The following ANKRD22 variants were observed in gnomAD, a reference collection of about 807,000 sequenced individuals.
The protein encoded by ANKRD22 is ankyrin repeat domain 22, also known as ankyrin repeat domain-containing protein 22.
Under a neutral mutation model 25.7 loss-of-function variants are expected in ANKRD22, and 24 were observed. The ratio of observed to expected loss-of-function variants is 0.93; its 90% CI spans 0.68 to 1.31. The LOEUF (loss-of-function observed/expected upper bound fraction) is 1.31, where lower values mean the gene tolerates loss of function less well. ANKRD22 is among the 50% of genes most tolerant of loss of function. The pLI is 0.00. For synonymous variants in ANKRD22, 84 were observed against 84.3 expected (o/e 1.00, Z 0.02); for missense variants, 214 against 227.1 (o/e 0.94, Z 0.37).
intron 1 of ANKRD22, among the ~76,000 whole-genome samples, chr10:88,850,264 T>G (rs531988960): frequency 4.8e-4 from 73 of 152,182 alleles, no homozygotes; most frequent in African/African-American, 1.7e-3. Context: ...AGGATGAGAC[T>G]AGGCTTTTTT....
intron 1 of ANKRD22, among the ~76,000 whole-genome samples, chr10:88,846,802 T>G (rs1350421100): frequency 1.3e-5 from 2 of 152,130 alleles, no homozygotes; most frequent in African/African-American, 4.8e-5. Context: ...GTCAGTGTCT[T>G]TCTGAAGCAA....
chr10:88,832,089 A>G lies in ANKRD22; in HGVS notation c.22-63T>C, dbSNP rs975650399. 3.8e-5 allele frequency: 55 copies of G among 1,460,236 alleles called. 1 individual carries two copies. Among genetic ancestry groups the G allele is most frequent in the Non-Finnish European group, 6.5e-6 (7 of 1,082,626 alleles). 90.5% of individuals were successfully genotyped at this position (1,460,236 alleles called of 1,614,324 possible). A position where few individuals can be genotyped will look rare whatever the true frequency, so the allele number is the denominator to read the frequency against. On this transcript the variant is annotated intron_variant, in intron 1 of 5. Coordinates refer to ENST00000371930, the MANE Select transcript of ANKRD22 (RefSeq NM_144590.3). ...GGCATAATTAAACCACAAAAACGAA[A>G]AAAAAGTCATAACCCAATACATTAA...
At chr10:88,835,555 T>C (rs1310495706) in intron 1 of ANKRD22, among the ~76,000 whole-genome samples, 1 of 152,210 alleles carries the variant, frequency 6.6e-6, no homozygotes, top group South Asian at 2.1e-4. Flanking sequence ...CTATAGGCAG[T>C]TGTAACACAA....
At chr10:88,832,652 T>A (rs1843918099) in intron 1 of ANKRD22, among the ~76,000 whole-genome samples, 1 of 152,116 alleles carries the variant, frequency 6.6e-6, no homozygotes, top group South Asian at 2.1e-4. Flanking sequence ...TTCAAGGAGC[T>A]CAACAGAGCA....
At chr10:88,849,534 C>T (rs1844084340) in intron 1 of ANKRD22, among the ~76,000 whole-genome samples, 1 of 152,096 alleles carries the variant, frequency 6.6e-6, no homozygotes, top group Admixed American at 6.6e-5. Context: ...AGCCAATAAG[C>T]ACTTTTCAAC....
chr10:88,820,233 C>A lies in ANKRD22; in HGVS notation c.*2708G>T, dbSNP rs1458574194. Reference sequence around the variant, plus strand: ...TTAAGAACTATTCCTTTTCTCTAGCCAACTCCTGTAAGGTACAGAGTCAGA... The same window carrying A: ...TTAAGAACTATTCCTTTTCTCTAGCAAACTCCTGTAAGGTACAGAGTCAGA... On this transcript the variant is annotated 3_prime_UTR_variant, in exon 6 of 6. Transcript: ENST00000371930. 1 of 1,548,112 alleles carries A rather than the reference C, an allele frequency of 6.5e-7. No individual in the cohort carries two copies. The highest frequency in any genetic ancestry group is 1.7e-4 in the Middle Eastern group (1 of 5,964).
intron 4 of ANKRD22, among the ~76,000 whole-genome samples, chr10:88,824,426 T>C (rs1843834163): frequency 6.6e-6 from 1 of 152,220 alleles, no homozygotes. Context: ...GTTGCAATTA[T>C]TTATTTTTAT....
rs1010952481 is a variant in ANKRD22, at chr10:88,820,784, C to A, written c.*2157G>T. ...TTCTCTATATCATTCAGGTAAATCT[C>A]TTTAAAACACCTATTGTTTTTTCTA... On this transcript the variant is annotated 3_prime_UTR_variant, in exon 6 of 6. Coordinates refer to ENST00000371930, the MANE Select transcript of ANKRD22 (RefSeq NM_144590.3). Among the ~76,000 whole-genome samples, 9 of 152,100 alleles carry A rather than the reference C, an allele frequency of 5.9e-5. No individual in the cohort carries two copies. The highest frequency in any genetic ancestry group is 1.2e-4 in the Non-Finnish European group (8 of 67,998).
rs757917704 is a variant in ANKRD22, at chr10:88,820,184, T to G, written c.*2757A>C. ...CTATTTGAAACATAAATTATGAGCC[T>G]GAAAGTCCAAATGTTACCTAGAGTT... On this transcript the variant is annotated 3_prime_UTR_variant, in exon 6 of 6. Transcript: ENST00000371930. 6.9e-6 allele frequency: 10 copies of G among 1,450,986 alleles called. No homozygotes were observed. The highest frequency in any genetic ancestry group is 9.2e-6 in the Non-Finnish European group (10 of 1,082,634). 89.9% of individuals were successfully genotyped at this position (1,450,986 alleles called of 1,614,324 possible). A position where few individuals can be genotyped will look rare whatever the true frequency, so the allele number is the denominator to read the frequency against.
intron 1 of ANKRD22, among the ~76,000 whole-genome samples, chr10:88,844,984 C>T (rs1844034855): frequency 6.6e-6 from 1 of 152,090 alleles, no homozygotes; most frequent in East Asian, 1.9e-4. Context: ...GGCTTCTTAA[C>T]AATTATACAT....
intron 1 of ANKRD22, among the ~76,000 whole-genome samples, chr10:88,846,564 C>T (rs74147298): frequency 2.6e-5 from 4 of 152,178 alleles, no homozygotes; most frequent in African/African-American, 4.8e-5. Flanking sequence ...GCCATTGCTA[C>T]AAAATGTTGT....
At position 88,820,321 on chromosome 10, in the gene ANKRD22, C is replaced by A. The variant is rs561105193; in HGVS notation, c.*2620G>T. 5.2e-6 allele frequency: 8 copies of A among 1,552,132 alleles called. No homozygotes were observed. The highest frequency in any genetic ancestry group is 5.2e-6 in the Non-Finnish European group (6 of 1,147,052). On this transcript the variant is annotated 3_prime_UTR_variant, in exon 6 of 6. Coordinates refer to ENST00000371930, the MANE Select transcript of ANKRD22 (RefSeq NM_144590.3). Reference sequence around the variant, plus strand: ...AGGACTGGCTTTCAAATCCAGAAGACGTGAAAATGCTGCTCTCTGAGGTGA... The same window carrying A: ...AGGACTGGCTTTCAAATCCAGAAGAAGTGAAAATGCTGCTCTCTGAGGTGA...
At chr10:88,836,182 C>T (rs540880299) in intron 1 of ANKRD22, among the ~76,000 whole-genome samples, 14 of 152,256 alleles carry the variant, frequency 9.2e-5, no homozygotes, top group Admixed American at 2.6e-4. Flanking sequence ...CTTATCCACA[C>T]CCTTGATCTA....
In ANKRD22 at chr10:88,832,032, T is replaced by C. The variant is rs565840632; in HGVS notation, c.22-6A>G. ...TAGGCTGCTTGGCAGATGGGCTGGG[T>C]CGGGAAAAACAAAAGCAGGTTTTGA... is the stretch of plus-strand genomic sequence containing the variant. On this transcript the variant is annotated splice_polypyrimidine_tract_variant and splice_region_variant and intron_variant, in intron 1 of 5. Transcript: ENST00000371930. 3 of 1,585,994 alleles carry C rather than the reference T, an allele frequency of 1.9e-6. No homozygotes were observed. The highest frequency in any genetic ancestry group is 2.2e-5 in the East Asian group (1 of 44,506).
chr10:88,829,158 G>A (rs1843883031), intron 2 of ANKRD22, among the ~76,000 whole-genome samples: 1 of 152,146 alleles, frequency 6.6e-6, no homozygotes, highest in Admixed American at 6.6e-5. Flanking sequence ...CTTCAAATAT[G>A]TGAATACTTA....
chr10:88,845,803 C>A (rs1296851989), intron 1 of ANKRD22, among the ~76,000 whole-genome samples: 2 of 152,116 alleles, frequency 1.3e-5, no homozygotes, highest in Non-Finnish European at 2.9e-5. Flanking sequence ...TCCCATGCTA[C>A]CAGAGTGGCC....
intron 4 of ANKRD22, among the ~76,000 whole-genome samples, chr10:88,824,603 C>T (rs977625719): frequency 6.6e-6 from 1 of 152,088 alleles, no homozygotes; most frequent in Admixed American, 6.5e-5. Flanking sequence ...GTGTGTGTAC[C>T]TGCATGTGTC....
chr10:88,843,039 A>G (rs1446619637), intron 1 of ANKRD22, among the ~76,000 whole-genome samples: 1 of 152,094 alleles, frequency 6.6e-6, no homozygotes, highest in East Asian at 1.9e-4. Context: ...TTTATGTCCC[A>G]GAAATTACCA....
chr10:88,820,282 G>A lies in ANKRD22; in HGVS notation c.*2659C>T, dbSNP rs1843772179. ...GAGATATGACGGTCCCTACAGCAAT[G>A]TGGACAGGAGGTCAGGACTGGCTTT... On this transcript the variant is annotated 3_prime_UTR_variant, in exon 6 of 6. Coordinates refer to ENST00000371930, the MANE Select transcript of ANKRD22 (RefSeq NM_144590.3). 1 of 1,551,864 alleles carries A rather than the reference G, an allele frequency of 6.4e-7. No homozygotes were observed. The highest frequency in any genetic ancestry group is 1.4e-5 in the African/African-American group (1 of 73,048).
Sources: gnomAD v4.1 joint callset for allele counts (sites outside exome capture counted in the v4.1 genomes callset) on GRCh38, gnomAD v4.1.1 for gene constraint, MANE v1.5 for transcripts, NCBI Gene and HGNC (gene_info 2026-07-23, HGNC 2026-07-21) for gene names.